OR5H1: variants seen among roughly 807,000 people sequenced by gnomAD.
OR5H1 encodes olfactory receptor 5H1.
For synonymous variants in OR5H1, 124 were observed against 134.4 expected, an observed-to-expected ratio of 0.92 and a Z score of 0.54; for missense variants, 378 against 366.8, an observed-to-expected ratio of 1.03 and a Z score of -0.25.
rs996620910 is a variant in OR5H1 at position 98,137,295 on chromosome 3, G to A, written c.*3656G>A. The A allele has an allele frequency of 2.0e-4, 30 of 152,132 alleles. No individual in the cohort carries two copies. Among genetic ancestry groups the A allele is most frequent in the African/African-American group, 6.8e-4 (28 of 41,434 alleles). The allele number at this position is 152,132 out of a possible 1,614,324, so 9.4% of individuals were successfully genotyped here. On this transcript the variant is annotated 3_prime_UTR_variant, in exon 2 of 2. Coordinates refer to ENST00000641874, the MANE Select transcript of OR5H1 (RefSeq NM_001005338.2). ...GCAAAGTTTCTTTAATTCTGGTCTC[G>A]TGTTGTGTTTCTAACGTTATCAGAA...
Position 98,132,844 on chromosome 3 carries a change from C to T in OR5H1, c.147C>T (p.Ile49=). The T allele has an allele frequency of 6.2e-7, 1 of 1,613,522 alleles. No homozygotes were observed. Among genetic ancestry groups the T allele is most frequent in the Non-Finnish European group, 8.5e-7 (1 of 1,179,600 alleles). ...IMGNLGLIAV[I]WKDPHLHIPM... is the part of the protein sequence containing the mutation. ...GGAATCTTGGTCTGATTGCTGTCAT[C>T]TGGAAAGACCCTCACCTTCATATCC... Residue 49 remains isoleucine (I), a synonymous_variant, in exon 2 of 2, where the codon ATC becomes ATT. Transcript: ENST00000641874.
chr3:98,133,740 A>G lies in OR5H1; in HGVS notation c.*101A>G, dbSNP rs759245330. On this transcript the variant is annotated 3_prime_UTR_variant, in exon 2 of 2. Coordinates refer to ENST00000641874, the MANE Select transcript of OR5H1 (RefSeq NM_001005338.2). Reference sequence around the variant, plus strand: ...ACATTTTTGCAAGTACAACTGTTCTAGCACTTTAGTGAGCTAATGTTTTAG... The same window carrying G: ...ACATTTTTGCAAGTACAACTGTTCTGGCACTTTAGTGAGCTAATGTTTTAG... The G allele has an allele frequency of 9.0e-5, 81 of 899,732 alleles. No individual in the cohort carries two copies. Among genetic ancestry groups the G allele is most frequent in the Non-Finnish European group, 1.3e-4 (73 of 574,608 alleles). 55.7% of individuals were successfully genotyped at this position (899,732 alleles called of 1,614,324 possible).
chr3:98,137,700 A>T lies in OR5H1; in HGVS notation c.*4061A>T, dbSNP rs1025073674. 1 of 152,292 alleles carries T rather than the reference A, an allele frequency of 6.6e-6. No individual in the cohort carries two copies. The highest frequency in any genetic ancestry group is 1.5e-5 in the Non-Finnish European group (1 of 68,014). 9.4% of individuals were successfully genotyped at this position (152,292 alleles called of 1,614,324 possible). A position where few individuals can be genotyped will look rare whatever the true frequency, so the allele number is the denominator to read the frequency against. On this transcript the variant is annotated 3_prime_UTR_variant, in exon 2 of 2. Coordinates refer to ENST00000641874, the MANE Select transcript of OR5H1 (RefSeq NM_001005338.2). ...GTGTATGTTCAGCAATTAGTCTTTTAAAAAAATGTTGTTTGGAAATAATCC... is the reference window on the plus strand; with the variant it reads ...GTGTATGTTCAGCAATTAGTCTTTTTAAAAAATGTTGTTTGGAAATAATCC...
In OR5H1 at chr3:98,133,047, C is replaced by A. The variant is rs774249225; in HGVS notation, c.350C>A (p.Thr117Lys). 2 of 1,613,590 alleles carry A rather than the reference C, an allele frequency of 1.2e-6. No homozygotes were observed. Among genetic ancestry groups the A allele is most frequent in the Non-Finnish European group, 8.5e-7 (1 of 1,179,672 alleles). The change falls in exon 2 of 2, where the codon ACG (threonine) becomes AAG (lysine). Residue 117 changes from threonine (T) to lysine (K), a missense_variant. Transcript: ENST00000641874. ...ACCACGGAATGTTTTCTCTTGGCAA[C>A]GATGGCATATGATCGCTATGTAGCC... ...SVTTECFLLA[T>K]MAYDRYVAIC... is the part of the protein sequence containing the mutation.
rs750225903 is a variant in OR5H1 at position 98,134,247 on chromosome 3, G to A, written c.*608G>A. 1.3e-5 allele frequency: 2 copies of A among 152,404 alleles called. No individual in the cohort carries two copies. The highest frequency in any genetic ancestry group is 1.3e-4 in the Admixed American group (2 of 15,286). 9.4% of individuals were successfully genotyped at this position (152,404 alleles called of 1,614,324 possible). A position where few individuals can be genotyped will look rare whatever the true frequency, so the allele number is the denominator to read the frequency against. ...TGCTCTTAACTCTATGTGCTCGTAT[G>A]AGTAAGAAGAGGCAAGCTGCCTCTC... On this transcript the variant is annotated 3_prime_UTR_variant, in exon 2 of 2. Transcript: ENST00000641874.
Position 98,133,607 on chromosome 3 carries a change from A to T in OR5H1, c.910A>T (p.Met304Leu). 6.2e-7 allele frequency: 1 copy of T among 1,606,204 alleles called. No homozygotes were observed. The highest frequency in any genetic ancestry group is 8.5e-7 in the Non-Finnish European group (1 of 1,177,132). ...NKQVTVSFTK[M>L]LKKHVKVSY ...GCAAGTCACAGTTTCATTCACAAAA[A>T]TGTTAAAAAAACATGTTAAGGTTTC... The change falls in exon 2 of 2, where the codon ATG (methionine) becomes TTG (leucine). Residue 304 changes from methionine (M) to leucine (L), a missense_variant. Transcript: ENST00000641874.
In OR5H1 at chr3:98,132,694, G is replaced by A. The variant is rs1216620418; in HGVS notation, c.-4G>A. 6.2e-7 allele frequency: 1 copy of A among 1,612,506 alleles called. No individual in the cohort carries two copies. The highest frequency in any genetic ancestry group is 8.5e-7 in the Non-Finnish European group (1 of 1,179,082). On this transcript the variant is annotated 5_prime_UTR_variant, in exon 2 of 2. Transcript: ENST00000641874. Reference sequence around the variant, plus strand: ...TTTTATTTTAGAGGGCATGCTGTGAGGACATGGAAGAGGAAAATGCAACAT... The same window carrying A: ...TTTTATTTTAGAGGGCATGCTGTGAAGACATGGAAGAGGAAAATGCAACAT...
rs918161345 is a variant in OR5H1, at chr3:98,137,161, A to C, written c.*3522A>C. On this transcript the variant is annotated 3_prime_UTR_variant, in exon 2 of 2. Coordinates refer to ENST00000641874, the MANE Select transcript of OR5H1 (RefSeq NM_001005338.2). ...TTTTGCAAATACCTATATTGCAATC[A>C]AAATAAAAATGCTCAATGATGATTT... The C allele has an allele frequency of 6.6e-6, 1 of 152,226 alleles. No individual in the cohort carries two copies. Among genetic ancestry groups the C allele is most frequent in the Admixed American group, 6.5e-5 (1 of 15,278 alleles). The allele number at this position is 152,226 out of a possible 1,614,324, so 9.4% of individuals were successfully genotyped here. A position where few individuals can be genotyped will look rare whatever the true frequency, so the allele number is the denominator to read the frequency against.
At chr3:98,132,649 G>A (rs749273961) in intron 1 of OR5H1, 31 bp from the exon 2 acceptor site, 6 of 1,599,638 alleles carry the variant, frequency 3.8e-6, no homozygotes, top group East Asian at 4.5e-5. Flanking sequence ...CATTGCAAAT[G>A]TTCCCTTTCA....
chr3:98,131,714 C>A (rs1708257768), intron 1 of OR5H1, among the ~76,000 whole-genome samples: 1 of 151,972 alleles, frequency 6.6e-6, no homozygotes, highest in Non-Finnish European at 1.5e-5. Context: ...ACAATGAATC[C>A]AAGCAATCAT....
chr3:98,137,385 G>T lies in OR5H1; in HGVS notation c.*3746G>T, dbSNP rs1286685560. The T allele has an allele frequency of 6.6e-6, 1 of 152,118 alleles. No individual in the cohort carries two copies. Among genetic ancestry groups the T allele is most frequent in the Non-Finnish European group, 1.5e-5 (1 of 68,028 alleles). 9.4% of individuals were successfully genotyped at this position (152,118 alleles called of 1,614,324 possible). On this transcript the variant is annotated 3_prime_UTR_variant, in exon 2 of 2. Transcript: ENST00000641874. The stretch of plus-strand genomic sequence containing the variant: ...ATTAGACAGATACTTTGCATACAGG[G>T]ATGTTTCCTTTATGTTATTTAGTGG...
At position 98,135,389 on chromosome 3, in the gene OR5H1, C is replaced by A. The variant is rs566263210; in HGVS notation, c.*1750C>A. Reference sequence around the variant, plus strand: ...GTACAAACCCACTTTGCTGGACCCACGTCAGCCTGATATACTTTTATTTAA... The same window carrying A: ...GTACAAACCCACTTTGCTGGACCCAAGTCAGCCTGATATACTTTTATTTAA... On this transcript the variant is annotated 3_prime_UTR_variant, in exon 2 of 2. Transcript: ENST00000641874. 2.6e-5 allele frequency: 4 copies of A among 152,214 alleles called. No individual in the cohort carries two copies. In the South Asian group the frequency reaches 8.3e-4, roughly 32 times the overall value. 9.4% of individuals were successfully genotyped at this position (152,214 alleles called of 1,614,324 possible).
Position 98,136,621 on chromosome 3 carries a change from G to T in OR5H1, c.*2982G>T, listed in dbSNP as rs1708321068. On this transcript the variant is annotated 3_prime_UTR_variant, in exon 2 of 2. Transcript: ENST00000641874. ...TTAAAATTTGATTCCAAATTCTGGA[G>T]GTGTCGAAGATGGGAGGTGTTTGGG... 6.6e-6 allele frequency: 1 copy of T among 152,090 alleles called. No homozygotes were observed. The highest frequency in any genetic ancestry group is 2.1e-4 in the South Asian group (1 of 4,802). 9.4% of individuals were successfully genotyped at this position (152,090 alleles called of 1,614,324 possible).
intron 1 of OR5H1, among the ~76,000 whole-genome samples, chr3:98,131,857 A>G (rs1011473862): frequency 2.0e-5 from 3 of 151,598 alleles, no homozygotes; most frequent in Non-Finnish European, 2.9e-5. Context: ...TCACCAAGGG[A>G]CTCCTCTCTC....
rs1265048859 is a variant in OR5H1, at chr3:98,132,914, A to G, written c.217A>G (p.Ile73Val). 3.1e-6 allele frequency: 5 copies of G among 1,613,262 alleles called. No individual in the cohort carries two copies. In the East Asian group the frequency reaches 1.1e-4, roughly 36 times the overall value. The stretch of plus-strand genomic sequence containing the variant: ...GAATTTAGCTTTTGTGGATGCTTGG[A>G]TATCATCCACAGTGACCCCAAAGAT... ...LGNLAFVDAWISSTVTPKMLN... is the reference protein window; with the variant it reads ...LGNLAFVDAWVSSTVTPKMLN... The change falls in exon 2 of 2, where the codon ATA (isoleucine) becomes GTA (valine). Residue 73 changes from isoleucine (I) to valine (V), a missense_variant. Ile to Val is a conservative substitution (Grantham distance 29). Coordinates refer to ENST00000641874, the MANE Select transcript of OR5H1 (RefSeq NM_001005338.2).
chr3:98,132,251 A>G (rs913306642), intron 1 of OR5H1, among the ~76,000 whole-genome samples: 1 of 152,032 alleles, frequency 6.6e-6, no homozygotes, highest in Non-Finnish European at 1.5e-5. Context: ...AAAAATTAGG[A>G]TGTAATTTCC....
Position 98,133,308 on chromosome 3 carries a change from G to T in OR5H1, c.611G>T (p.Gly204Val), listed in dbSNP as rs1231062667. The change falls in exon 2 of 2, where the codon GGT becomes GTT. Residue 204 changes from glycine (G) to valine (V), a missense_variant. Physicochemically the swap from Gly to Val is moderately radical, Grantham distance 109. Coordinates refer to ENST00000641874, the MANE Select transcript of OR5H1 (RefSeq NM_001005338.2). ...INFLMVFIFS[G>V]SIQVFSIVTI... is the part of the protein sequence containing the mutation. ...TTTCTAATGGTTTTTATTTTCTCAGGTTCAATTCAGGTATTCAGCATTGTG... is the reference window on the plus strand; with the variant it reads ...TTTCTAATGGTTTTTATTTTCTCAGTTTCAATTCAGGTATTCAGCATTGTG... 8.7e-6 allele frequency: 14 copies of T among 1,612,672 alleles called. No homozygotes were observed. Among genetic ancestry groups the T allele is most frequent in the African/African-American group, 1.3e-5 (1 of 74,702 alleles).
rs368442037 is a variant in OR5H1 at position 98,132,663 on chromosome 3, G to A, written c.-18-17G>A. Reference sequence around the variant, plus strand: ...CCATTGCAAATGTTCCCTTTCATTTGTTGCATTTTATTTTAGAGGGCATGC... The same window carrying A: ...CCATTGCAAATGTTCCCTTTCATTTATTGCATTTTATTTTAGAGGGCATGC... On this transcript the variant is annotated splice_polypyrimidine_tract_variant and intron_variant, in intron 1 of 1. Coordinates refer to ENST00000641874, the MANE Select transcript of OR5H1 (RefSeq NM_001005338.2). 8.1e-6 allele frequency: 13 copies of A among 1,604,272 alleles called. No homozygotes were observed. In the African/African-American group the frequency reaches 1.7e-4, roughly 22 times the overall value.
At position 98,132,729 on chromosome 3, in the gene OR5H1, A is replaced by C. The variant is rs1180112394; in HGVS notation, c.32A>C (p.Glu11Ala). The change falls in exon 2 of 2, where the codon GAG (glutamate) becomes GCG (alanine). Residue 11 changes from glutamate (E) to alanine (A), a missense_variant. Transcript: ENST00000641874. ...GAGGAAAATGCAACATTGCTGACAG[A>C]GTTTGTTCTCACAGGATTTTTATAT... Reference protein sequence around the residue: MEEENATLLTEFVLTGFLYQP... With the variant: MEEENATLLTAFVLTGFLYQP... 6.2e-7 allele frequency: 1 copy of C among 1,613,070 alleles called. No individual in the cohort carries two copies. Among genetic ancestry groups the C allele is most frequent in the African/African-American group, 1.3e-5 (1 of 74,894 alleles).
Sources: gnomAD v4.1 joint callset for allele counts (sites outside exome capture counted in the v4.1 genomes callset) on GRCh38, gnomAD v4.1.1 for gene constraint, MANE v1.5 for transcripts, NCBI Gene and HGNC (gene_info 2026-07-23, HGNC 2026-07-21) for gene names.